The following IMMP2L variants were observed in gnomAD, a reference collection of about 807,000 sequenced individuals.
The protein encoded by IMMP2L is inner mitochondrial membrane peptidase subunit 2.
IMMP2L carries 18 observed loss-of-function variants against 19.3 expected under a neutral mutation model. The observed-to-expected ratio is 0.93, with a 90% CI of 0.64 to 1.38. IMMP2L has a LOEUF of 1.38. IMMP2L is among the 40% of genes most tolerant of loss of function. The pLI is 0.00. For synonymous variants in IMMP2L, 76 were observed against 73.0 expected (o/e 1.04, Z -0.21); for missense variants, 233 against 218.2 (o/e 1.07, Z -0.43).
chr7:111,547,425 A>G (rs1234696521), intron 1 of IMMP2L, among the ~76,000 whole-genome samples: 1 of 151,952 alleles, frequency 6.6e-6, no homozygotes, highest in Non-Finnish European at 1.5e-5. Context: ...TCCAAAACGG[A>G]CAAGTATGGG....
At chr7:111,482,435 A>G (rs1842272624) in intron 3 of IMMP2L, among the ~76,000 whole-genome samples, 1 of 152,140 alleles carries the variant, frequency 6.6e-6, no homozygotes, top group South Asian at 2.1e-4. Flanking sequence ...GAAATCTGTG[A>G]TCCAGATTAA....
intron 3 of IMMP2L, among the ~76,000 whole-genome samples, chr7:110,998,887 C>A (rs1823325568): frequency 6.6e-6 from 1 of 152,136 alleles, no homozygotes; most frequent in South Asian, 2.1e-4. Flanking sequence ...GGAATGTTAA[C>A]AAACTTACAG....
At chr7:111,169,454 G>C (rs891833635) in intron 3 of IMMP2L, among the ~76,000 whole-genome samples, 4 of 151,840 alleles carry the variant, frequency 2.6e-5, no homozygotes, top group African/African-American at 7.3e-5. Flanking sequence ...ACTTGAGTTT[G>C]GGTTACATTC....
At chr7:110,989,134 T>C (rs1037613341) in intron 3 of IMMP2L, among the ~76,000 whole-genome samples, 18 of 151,572 alleles carry the variant, frequency 1.2e-4, no homozygotes, top group East Asian at 5.8e-4. Context: ...ACTAGAGAGG[T>C]TGAGACAGGA....
intron 3 of IMMP2L, among the ~76,000 whole-genome samples, chr7:111,128,893 C>T (rs1356104671): frequency 3.3e-5 from 5 of 149,428 alleles, no homozygotes; most frequent in African/African-American, 1.3e-4. Flanking sequence ...TGTTATGTGA[C>T]CCCTATTTCA....
chr7:111,411,572 C>G, intron 3 of IMMP2L: 1 of 328,142 alleles, frequency 3.0e-6, no homozygotes, highest in South Asian at 3.0e-5. Flanking sequence ...CATCCTTCAA[C>G]AGGCTGATTT....
At chr7:110,697,119 A>G (rs1205474537) in intron 5 of IMMP2L, among the ~76,000 whole-genome samples, 4 of 152,194 alleles carry the variant, frequency 2.6e-5, no homozygotes, top group African/African-American at 9.7e-5. Flanking sequence ...ATTAACCTCA[A>G]TTCCTTTGTG....
Position 111,123,249 on chromosome 7 carries a change from C to G in IMMP2L, c.240-159684G>C. 2 of 1,613,862 alleles carry G rather than the reference C, an allele frequency of 1.2e-6. No homozygotes were observed. Among genetic ancestry groups the G allele is most frequent in the Non-Finnish European group, 1.7e-6 (2 of 1,179,916 alleles). ...TGCTTTCTACAATTTCACCTGGAGC[C>G]TTTATTGGCCTACATAATCTTCTTC... is the stretch of plus-strand genomic sequence containing the variant. On this transcript the variant is annotated intron_variant, in intron 3 of 5. Transcript: ENST00000405709. This position sits in a 1 kb window ranked among gnomAD's most constrained non-coding sequence, Gnocchi z 6.4.
chr7:111,372,821 T>G (rs1448401270), intron 3 of IMMP2L, among the ~76,000 whole-genome samples: 1 of 152,036 alleles, frequency 6.6e-6, no homozygotes, highest in Non-Finnish European at 1.5e-5. Flanking sequence ...CAGAATAATA[T>G]GAGCAGTCAT....
chr7:111,299,409 G>A (rs984413011), intron 3 of IMMP2L, among the ~76,000 whole-genome samples: 1 of 152,014 alleles, frequency 6.6e-6, no homozygotes, highest in African/African-American at 2.4e-5. Flanking sequence ...CCTACTATAT[G>A]CTAGGTGTTC....
chr7:110,673,379 G>T (rs1792058432), intron 5 of IMMP2L, among the ~76,000 whole-genome samples: 1 of 152,240 alleles, frequency 6.6e-6, no homozygotes, highest in Non-Finnish European at 1.5e-5. Flanking sequence ...CCAGGCCTGT[G>T]ATGGGAGGGG....
intron 3 of IMMP2L, among the ~76,000 whole-genome samples, chr7:111,442,697 C>T (rs1837865979): frequency 6.6e-6 from 1 of 151,826 alleles, no homozygotes; most frequent in African/African-American, 2.4e-5. Flanking sequence ...TAAACTAGTA[C>T]TGGATGCAGC....
In IMMP2L at chr7:111,562,068, C is replaced by G. The variant is rs1277690115; in HGVS notation, c.-220G>C. ...CTCACGGCCAGAGCCGGGGGCCGGA[C>G]TAGGCCCCTTTGTGAGGACTGGGAG... is the stretch of plus-strand genomic sequence containing the variant. On this transcript the variant is annotated 5_prime_UTR_variant, in exon 1 of 6. Transcript: ENST00000405709. 6.6e-6 allele frequency: 1 copy of G among 152,356 alleles called. No homozygotes were observed. The highest frequency in any genetic ancestry group is 1.5e-5 in the Non-Finnish European group (1 of 68,160). The allele number at this position is 152,356 out of a possible 1,614,324, so 9.4% of individuals were successfully genotyped here.
intron 5 of IMMP2L, among the ~76,000 whole-genome samples, chr7:110,665,333 G>A (rs193003842): frequency 1.2e-4 from 19 of 152,198 alleles, no homozygotes; most frequent in Non-Finnish European, 2.2e-4. Context: ...GATAGTTGTT[G>A]ACATCATGCT....
At chr7:111,122,997 C>G (rs1334967710) in intron 3 of IMMP2L, 1 of 1,613,918 alleles carries the variant, frequency 6.2e-7, no homozygotes, top group Non-Finnish European at 8.5e-7. Flanking sequence ...AGATTCTTCT[C>G]CTACAGACTA....
intron 3 of IMMP2L, among the ~76,000 whole-genome samples, chr7:111,176,481 AC>A (rs1807072712): frequency 6.6e-6 from 1 of 151,992 alleles, no homozygotes; most frequent in South Asian, 2.1e-4. Flanking sequence ...ACATGGATGA[AC>A]CTGGAGGTCA....
At chr7:111,088,284 T>C (rs1796527461) in intron 3 of IMMP2L, among the ~76,000 whole-genome samples, 1 of 152,220 alleles carries the variant, frequency 6.6e-6, no homozygotes, top group South Asian at 2.1e-4. Flanking sequence ...TAATTATTCA[T>C]TTACATTTTA....
rs550009528 is a variant in IMMP2L, at chr7:110,758,162, T to C, written c.409-94441A>G. Among the ~76,000 whole-genome samples, 6 of 152,094 alleles carry C rather than the reference T, an allele frequency of 3.9e-5. No homozygotes were observed. Among genetic ancestry groups the C allele is most frequent in the East Asian group, 3.9e-4 (2 of 5,154 alleles). On this transcript the variant is annotated intron_variant, in intron 5 of 5. Transcript: ENST00000405709. This position sits in a 1 kb window ranked among gnomAD's most constrained non-coding sequence, Gnocchi z 4.6. The stretch of plus-strand genomic sequence containing the variant: ...GGTCAAATAAGATGAGGATGAAGAA[T>C]GGATAAGTGAAGTTAGCCTCTTGGA...
chr7:111,335,898 C>T (rs527360453), intron 3 of IMMP2L, among the ~76,000 whole-genome samples: 2 of 152,178 alleles, frequency 1.3e-5, no homozygotes, highest in South Asian at 4.1e-4. Context: ...GGATGATATA[C>T]ATCAAATGAA....
Sources: gnomAD v4.1 joint callset for allele counts (sites outside exome capture counted in the v4.1 genomes callset) on GRCh38, gnomAD v4.1.1 for gene constraint, Gnocchi (gnomAD v3.1) non-coding constraint, MANE v1.5 for transcripts, NCBI Gene and HGNC (gene_info 2026-07-23, HGNC 2026-07-21) for gene names.